RGS6: variants seen among roughly 807,000 people sequenced by gnomAD.
The protein encoded by RGS6 is regulator of G-protein signaling 6.
Under a neutral mutation model 78.5 loss-of-function variants are expected in RGS6, and 30 were observed. That is an observed-to-expected ratio of 0.38 (90% CI 0.29 to 0.52). RGS6 has a LOEUF of 0.52. Among genes scored for constraint, RGS6 ranks in the 20% least tolerant of loss-of-function variants. RGS6 has a pLI of 0.85. For missense variants in RGS6, 495 were observed against 609.7 expected (o/e 0.81, Z 1.98); for synonymous variants, 206 against 206.0 (o/e 1.00, Z 0.00).
At chr14:72,381,668 G>T (rs1175649548) in intron 3 of RGS6, among the ~76,000 whole-genome samples, 2 of 151,982 alleles carry the variant, frequency 1.3e-5, no homozygotes. Flanking sequence ...CTTTACCAAA[G>T]AAATGTCTAC....
At chr14:72,479,588 G>A (rs1263689730) in intron 12 of RGS6, among the ~76,000 whole-genome samples, 3 of 152,200 alleles carry the variant, frequency 2.0e-5, no homozygotes, top group African/African-American at 7.2e-5. Context: ...CAAATGTGCT[G>A]GAAAGTTGCC....
chr14:72,074,732 G>A (rs913764884), intron 2 of RGS6, among the ~76,000 whole-genome samples: 1 of 152,070 alleles, frequency 6.6e-6, no homozygotes, highest in Non-Finnish European at 1.5e-5. Flanking sequence ...ATGCAAGAGG[G>A]TGTAAATGTT....
intron 2 of RGS6, among the ~76,000 whole-genome samples, chr14:72,013,962 A>G (rs1015399510): frequency 1.3e-5 from 2 of 152,156 alleles, no homozygotes; most frequent in Admixed American, 1.3e-4. Context: ...GTCTGAGCTC[A>G]CTGTGAAAAT....
At chr14:72,575,679 C>T in the RGS6 span, among the ~76,000 whole-genome samples, 287 of 152,300 alleles carry the variant, frequency 1.9e-3, 2 homozygotes, top group African/African-American at 6.0e-3. Flanking sequence ...TGAATACTCC[C>T]ACCACAAAGA....
At chr14:72,483,289 G>C (rs975449773) in intron 12 of RGS6, among the ~76,000 whole-genome samples, 8 of 152,178 alleles carry the variant, frequency 5.3e-5, no homozygotes, top group Non-Finnish European at 1.0e-4. Context: ...GCTGCACACA[G>C]AGGGATCAAA....
intron 13 of RGS6, among the ~76,000 whole-genome samples, chr14:72,498,839 C>A: frequency 6.6e-6 from 1 of 152,200 alleles, no homozygotes. Flanking sequence ...AGTTCCCCGG[C>A]AGGCTTTCCC....
At chr14:72,447,297 A>G (rs1404559963) in intron 3 of RGS6, among the ~76,000 whole-genome samples, 2 of 152,156 alleles carry the variant, frequency 1.3e-5, no homozygotes, top group Admixed American at 6.5e-5. Flanking sequence ...CTTCCGGGAA[A>G]TGCGCATCCT....
chr14:72,195,990 T>TC (rs1320685511), intron 2 of RGS6, among the ~76,000 whole-genome samples: 3 of 152,154 alleles, frequency 2.0e-5, no homozygotes, highest in African/African-American at 7.2e-5. Flanking sequence ...TGTAACCTGT[T>TC]CCATGTAAAT....
At chr14:72,296,745 T>C (rs1378628569) in intron 2 of RGS6, among the ~76,000 whole-genome samples, 1 of 152,194 alleles carries the variant, frequency 6.6e-6, no homozygotes, top group East Asian at 1.9e-4. Flanking sequence ...AGTTTGCTTA[T>C]TTTATTGAGA....
chr14:72,427,382 A>G (rs763860021), intron 3 of RGS6, among the ~76,000 whole-genome samples: 2 of 152,230 alleles, frequency 1.3e-5, no homozygotes, highest in Non-Finnish European at 2.9e-5. Context: ...TGTTGTAGGT[A>G]TCCACTGGGA....
At chr14:71,899,872 A>G in the RGS6 span, among the ~76,000 whole-genome samples, 71 of 152,218 alleles carry the variant, frequency 4.7e-4, 1 homozygote, top group Non-Finnish European at 1.2e-4. Flanking sequence ...ATTTATGTCC[A>G]AAAATCTGTG....
chr14:72,193,199 G>A (rs768661450), intron 2 of RGS6, among the ~76,000 whole-genome samples: 1 of 152,062 alleles, frequency 6.6e-6, no homozygotes, highest in Non-Finnish European at 1.5e-5. Flanking sequence ...TCGCCATGTT[G>A]GCCAGGCTGG....
At chr14:71,876,092 G>A in the RGS6 span, among the ~76,000 whole-genome samples, 4 of 152,162 alleles carry the variant, frequency 2.6e-5, no homozygotes, top group East Asian at 1.9e-4. Context: ...GAATAAGTAC[G>A]ATGTGGTGCT....
intron 3 of RGS6, among the ~76,000 whole-genome samples, chr14:72,397,747 T>A (rs1016949630): frequency 6.6e-6 from 1 of 151,906 alleles, no homozygotes; most frequent in African/African-American, 2.4e-5. Flanking sequence ...TTATTGAGAG[T>A]TTTTTAGCAT....
At chr14:71,908,850 G>T in the RGS6 span, among the ~76,000 whole-genome samples, 1 of 152,016 alleles carries the variant, frequency 6.6e-6, no homozygotes. Context: ...GAGTAGCGAG[G>T]CACTCACAAG....
chr14:72,015,586 T>A (rs1215302309), intron 2 of RGS6, among the ~76,000 whole-genome samples: 1 of 152,214 alleles, frequency 6.6e-6, no homozygotes, highest in Non-Finnish European at 1.5e-5. Flanking sequence ...TCTAGAAATA[T>A]GTACTAGAGG....
chr14:72,477,722 G>C (rs1381158568), intron 11 of RGS6, among the ~76,000 whole-genome samples: 3 of 151,120 alleles, frequency 2.0e-5, no homozygotes, highest in South Asian at 4.2e-4. Flanking sequence ...ACTTGAATCT[G>C]AGAGGTGGAG....
intron 15 of RGS6, among the ~76,000 whole-genome samples, chr14:72,531,022 A>G (rs866729830): frequency 1.3e-5 from 2 of 152,368 alleles, no homozygotes; most frequent in African/African-American, 4.8e-5. Flanking sequence ...AGGCACTTAA[A>G]CAAGAGTGAG....
chr14:72,414,256 CTT>C (rs2093641296), intron 3 of RGS6, among the ~76,000 whole-genome samples: 1 of 152,130 alleles, frequency 6.6e-6, no homozygotes, highest in South Asian at 2.1e-4. Context: ...TTCTTGGAGA[CTT>C]TGTTTGTTTT....
Sources: gnomAD v4.1 joint callset for allele counts (sites outside exome capture counted in the v4.1 genomes callset) on GRCh38, gnomAD v4.1.1 for gene constraint, MANE v1.5 for transcripts, NCBI Gene and HGNC (gene_info 2026-07-23, HGNC 2026-07-21) for gene names.